Variants in TRPC4AP observed in about 807,000 individuals in gnomAD.
The protein encoded by TRPC4AP is short transient receptor potential channel 4-associated protein.
In TRPC4AP, 45 loss-of-function variants were observed where a neutral mutation model predicts 99.0. The observed-to-expected ratio is 0.45, with a 90% CI of 0.36 to 0.58. The LOEUF is 0.58. TRPC4AP is among the 20% of genes least tolerant of loss of function. The pLI, the probability that TRPC4AP is intolerant of heterozygous loss-of-function variation, is 0.00. For synonymous variants in TRPC4AP, 408 were observed against 385.8 expected (o/e 1.06, Z -0.67); for missense variants, 879 against 985.3 (o/e 0.89, Z 1.44).
At chr20:35,019,478 C>G (rs1277850200) in intron 9 of TRPC4AP, among the ~76,000 whole-genome samples, 3 of 152,272 alleles carry the variant, frequency 2.0e-5, no homozygotes, top group East Asian at 3.9e-4. Context: ...CCAGGCCTGT[C>G]CCCTGAGCGC....
At chr20:35,008,931 A>G (rs532401957) in intron 12 of TRPC4AP, among the ~76,000 whole-genome samples, 184 bp from the exon 13 acceptor site, 2 of 152,322 alleles carry the variant, frequency 1.3e-5, no homozygotes, top group Admixed American at 6.5e-5. Flanking sequence ...TAAACTGCCA[A>G]GTGCATTCCC....
At position 35,057,533 on chromosome 20, in the gene TRPC4AP, G is replaced by A. The variant is rs1308919463; in HGVS notation, c.453C>T (p.Ile151=). The part of the protein sequence containing the change: ...VEILMRPTIS[I]RGQKLKISDE... ...ACTTACTTTTCAGTTTCTGTCCCCG[G>A]ATAGAGATCGTAGGCCTCATAAGAA... The change falls in exon 4 of 19, where the codon ATC becomes ATT. Residue 151 remains isoleucine (I), a synonymous_variant. Coordinates refer to ENST00000252015, the MANE Select transcript of TRPC4AP (RefSeq NM_015638.3). 6.2e-7 allele frequency: 1 copy of A among 1,612,590 alleles called. No homozygotes were observed. Among genetic ancestry groups the A allele is most frequent in the Non-Finnish European group, 8.5e-7 (1 of 1,179,074 alleles).
At chr20:35,068,171 T>G (rs1479922696) in intron 3 of TRPC4AP, among the ~76,000 whole-genome samples, 2 of 152,228 alleles carry the variant, frequency 1.3e-5, no homozygotes, top group East Asian at 3.9e-4. Flanking sequence ...CAAAAGTGAA[T>G]GTATTTTGTG....
chr20:35,086,617 T>TC (rs564998972), intron 1 of TRPC4AP, among the ~76,000 whole-genome samples: 2 of 151,640 alleles, frequency 1.3e-5, no homozygotes, highest in Non-Finnish European at 2.9e-5. Context: ...CAGGAGTTTT[T>TC]CAGTATCAAA....
At chr20:35,070,388 T>C (rs2084275705) in intron 2 of TRPC4AP, among the ~76,000 whole-genome samples, 1 of 152,062 alleles carries the variant, frequency 6.6e-6, no homozygotes, top group African/African-American at 2.4e-5. Context: ...TTAGCACTTT[T>C]ACTTTGCACC....
At chr20:35,059,905 C>A (rs62213715) in intron 3 of TRPC4AP, among the ~76,000 whole-genome samples, 1 of 46,088 alleles carries the variant, frequency 2.2e-5, no homozygotes, top group Non-Finnish European at 5.7e-5. Flanking sequence ...ATGAAGAAGA[C>A]GAAGACGAAG....
chr20:35,055,842 ATTCTTATAAAGAAACTACTAC>A (rs749199324), intron 4 of TRPC4AP, among the ~76,000 whole-genome samples: 2 of 152,214 alleles, frequency 1.3e-5, no homozygotes, highest in Admixed American at 1.3e-4. Context: ...TCTATTACTA[ATTCTTATAAAGAAACTACTAC>A]TTCCCTGTGA....
At chr20:35,091,795 T>G (rs2085074975) in intron 1 of TRPC4AP, among the ~76,000 whole-genome samples, 1 of 152,196 alleles carries the variant, frequency 6.6e-6, no homozygotes, top group Non-Finnish European at 1.5e-5. Context: ...GCACCAGAAA[T>G]GCACTAATGC....
Position 35,002,525 on chromosome 20 carries a change from G to A in TRPC4AP, c.*621C>T, listed in dbSNP as rs867189701. The stretch of plus-strand genomic sequence containing the variant: ...CAGGCAGGAGCGGCTGCCTCAGGCA[G>A]AGGCAGGGCAGGCACAGCTGCCCCG... On this transcript the variant is annotated 3_prime_UTR_variant, in exon 19 of 19. Coordinates refer to ENST00000252015, the MANE Select transcript of TRPC4AP (RefSeq NM_015638.3). 8.8e-5 allele frequency: 22 copies of A among 248,918 alleles called. No individual in the cohort carries two copies. The highest frequency in any genetic ancestry group is 4.0e-4 in the African/African-American group (18 of 44,928). 15.4% of individuals were successfully genotyped at this position (248,918 alleles called of 1,614,324 possible).
chr20:35,063,495 C>T (rs2084060770), intron 3 of TRPC4AP, among the ~76,000 whole-genome samples: 1 of 152,070 alleles, frequency 6.6e-6, no homozygotes, highest in South Asian at 2.1e-4. Context: ...TAAAAATGTT[C>T]TGGTTATCAC....
At chr20:35,090,079 G>A (rs1230685079) in intron 1 of TRPC4AP, among the ~76,000 whole-genome samples, 1 of 147,580 alleles carries the variant, frequency 6.8e-6, no homozygotes, top group African/African-American at 2.5e-5. Flanking sequence ...TCCAGCCTGG[G>A]TGACAGAGCA....
intron 7 of TRPC4AP, among the ~76,000 whole-genome samples, chr20:35,039,064 CTG>C (rs1188577194): frequency 6.6e-6 from 1 of 152,120 alleles, no homozygotes; most frequent in African/African-American, 2.4e-5. Context: ...CATAGCCAGA[CTG>C]TGTCTCAAAA....
At chr20:35,036,338 G>A (rs1308942486) in intron 7 of TRPC4AP, among the ~76,000 whole-genome samples, 6 of 152,218 alleles carry the variant, frequency 3.9e-5, no homozygotes, top group Admixed American at 1.3e-4. Context: ...CAAAATGTCC[G>A]TCAAGTGGAA....
chr20:35,021,432 A>G (rs1054064784), intron 8 of TRPC4AP, 76 bp from the exon 9 acceptor site: 1 of 1,529,148 alleles, frequency 6.5e-7, no homozygotes, highest in African/African-American at 1.4e-5. Context: ...ACCTGCTCTG[A>G]ACAGACTTGT....
chr20:35,064,301 T>C (rs1341368807), intron 3 of TRPC4AP, among the ~76,000 whole-genome samples: 1 of 152,170 alleles, frequency 6.6e-6, no homozygotes, highest in African/African-American at 2.4e-5. Context: ...TCAAGCCAAA[T>C]GAAGAAGGAA....
chr20:35,073,329 T>C (rs2084375111), intron 2 of TRPC4AP, among the ~76,000 whole-genome samples: 1 of 152,210 alleles, frequency 6.6e-6, no homozygotes, highest in African/African-American at 2.4e-5. Flanking sequence ...AGGAGTGTGC[T>C]GAGAGAGGGC....
At chr20:35,048,134 T>C (rs1362851895) in intron 6 of TRPC4AP, among the ~76,000 whole-genome samples, 2 of 152,146 alleles carry the variant, frequency 1.3e-5, no homozygotes, top group African/African-American at 4.8e-5. Flanking sequence ...CTTTCTTGTC[T>C]GTGAAATGCT....
rs1023489729 is a variant in TRPC4AP at position 35,053,070 on chromosome 20, A to C, written c.528+1906T>G. ...TTATTTAAAAATACTTTTAGTTGAT[A>C]TATAATAAAGGTACATAATTTCAGG... On this transcript the variant is annotated intron_variant, in intron 5 of 18. Transcript: ENST00000252015. Among the ~76,000 whole-genome samples, 6 of 152,336 alleles carry C rather than the reference A, an allele frequency of 3.9e-5. No homozygotes were observed. In the East Asian group the frequency reaches 1.2e-3, roughly 29 times the overall value.
chr20:35,092,322 G>A (rs1200699675), intron 1 of TRPC4AP, among the ~76,000 whole-genome samples: 1 of 152,192 alleles, frequency 6.6e-6, no homozygotes, highest in Non-Finnish European at 1.5e-5. Flanking sequence ...CCCCAGACGT[G>A]TAGACGTGGC....
Sources: gnomAD v4.1 joint callset for allele counts (sites outside exome capture counted in the v4.1 genomes callset) on GRCh38, gnomAD v4.1.1 for gene constraint, MANE v1.5 for transcripts, NCBI Gene and HGNC (gene_info 2026-07-23, HGNC 2026-07-21) for gene names.